Variants in BMP5 observed in about 807,000 individuals in gnomAD.
BMP5 encodes bone morphogenetic protein 5.
A neutral mutation model predicts 46.6 loss-of-function variants in BMP5; 23 were observed. The ratio of observed to expected loss-of-function variants is 0.49; its 90% CI spans 0.35 to 0.70. The LOEUF is 0.70. Ranked by LOEUF, BMP5 falls within the 30% of genes least tolerant of loss-of-function variation. The pLI, the probability that BMP5 is intolerant of heterozygous loss-of-function variation, is 0.00. For synonymous variants in BMP5, 204 were observed against 191.9 expected (o/e 1.06, Z -0.52); for missense variants, 545 against 565.6 (o/e 0.96, Z 0.37).
intron 4 of BMP5, among the ~76,000 whole-genome samples, chr6:55,771,771 T>G (rs927006837): frequency 6.6e-6 from 1 of 151,888 alleles, no homozygotes; most frequent in African/African-American, 2.4e-5. Flanking sequence ...AAACAGGCAA[T>G]ACAACTTTCC....
At chr6:55,772,228 T>C (rs1333706125) in intron 4 of BMP5, among the ~76,000 whole-genome samples, 1 of 151,936 alleles carries the variant, frequency 6.6e-6, no homozygotes, top group Admixed American at 6.6e-5. Flanking sequence ...TTACGTGATT[T>C]CTGCTCCATG....
chr6:55,836,757 C>G (rs1776804632), intron 1 of BMP5, among the ~76,000 whole-genome samples: 1 of 152,056 alleles, frequency 6.6e-6, no homozygotes, highest in African/African-American at 2.4e-5. Context: ...GCTGTCAACT[C>G]TACGTTCACA....
At chr6:55,795,019 A>G (rs1478036428) in intron 2 of BMP5, among the ~76,000 whole-genome samples, 1 of 152,138 alleles carries the variant, frequency 6.6e-6, no homozygotes, top group Non-Finnish European at 1.5e-5. Context: ...TTTTGTTAAT[A>G]TCTTCTGCAA....
chr6:55,799,913 G>A (rs1775802995), intron 2 of BMP5, among the ~76,000 whole-genome samples: 2 of 152,150 alleles, frequency 1.3e-5, no homozygotes, highest in Non-Finnish European at 2.9e-5. Flanking sequence ...CCTCCCCACA[G>A]TGAAACATCA....
chr6:55,841,520 A>G (rs542340886), intron 1 of BMP5, among the ~76,000 whole-genome samples: 2 of 152,308 alleles, frequency 1.3e-5, no homozygotes, highest in East Asian at 3.9e-4. Flanking sequence ...CAGACTGGTT[A>G]GCTTAAACCA....
chr6:55,854,950 G>T (rs2127551443), intron 1 of BMP5, among the ~76,000 whole-genome samples: 1 of 152,036 alleles, frequency 6.6e-6, no homozygotes, highest in Non-Finnish European at 1.5e-5. Flanking sequence ...AAAATACTAT[G>T]CAGTTTTTCA....
At position 55,760,498 on chromosome 6, in the gene BMP5, T is replaced by A. The variant is rs775620179; in HGVS notation, c.1063A>T (p.Lys355Ter). The change falls in exon 5 of 7, where the codon AAG (lysine) becomes TAG (stop). Residue 355 changes from lysine to a stop codon, truncating the protein, a stop_gained. Coordinates refer to ENST00000370830, the MANE Select transcript of BMP5 (RefSeq NM_021073.4). LOFTEE classifies it high-confidence loss of function. ...CGGAAGCTCACATAGAGTTCGTGCT[T>A]CTTACAGGCTTGTTTTTGCTCACTT... ...NTSEQKQACK[K>*]HELYVSFRDL... 3.1e-6 allele frequency: 5 copies of A among 1,613,134 alleles called. No homozygotes were observed. Among genetic ancestry groups the A allele is most frequent in the Non-Finnish European group, 4.2e-6 (5 of 1,179,388 alleles).
chr6:55,795,002 T>G (rs1775672704), intron 2 of BMP5, among the ~76,000 whole-genome samples: 1 of 152,140 alleles, frequency 6.6e-6, no homozygotes, highest in African/African-American at 2.4e-5. Context: ...GCACAATCTA[T>G]GAGAACTTTT....
At chr6:55,781,821 G>A (rs536249110) in intron 3 of BMP5, among the ~76,000 whole-genome samples, 3 of 151,814 alleles carry the variant, frequency 2.0e-5, no homozygotes. Context: ...ATGTTGACCA[G>A]GCTGGTCTCA....
Position 55,837,369 on chromosome 6 carries a change from A to AGATG in BMP5, c.491-17523_491-17522insCATC, listed in dbSNP as rs1554184997. Among the ~76,000 whole-genome samples the AGATG allele has an allele frequency of 9.2e-3, 1,370 of 149,070 alleles. 20 individuals are homozygous for AGATG. The highest frequency in any genetic ancestry group is 0.029 in the African/African-American group (1,137 of 38,874). ...TAGATAGATAGATAGATAGATAGAT[A>AGATG]GATAGATAGACAGACAGATAGAAGA... is the stretch of plus-strand genomic sequence containing the variant. On this transcript the variant is annotated intron_variant, in intron 1 of 6. Transcript: ENST00000370830.
intron 1 of BMP5, among the ~76,000 whole-genome samples, chr6:55,822,389 C>T (rs566906930): frequency 1.8e-4 from 28 of 152,180 alleles, no homozygotes; most frequent in African/African-American, 5.8e-4. Flanking sequence ...ATATTTATTG[C>T]TTTGCTGCAG....
intron 1 of BMP5, 26 bp from the exon 2 acceptor site, chr6:55,819,873 G>A (rs1359843579): frequency 1.3e-6 from 2 of 1,573,698 alleles, no homozygotes; most frequent in Non-Finnish European, 1.7e-6. Context: ...GGGTTGAGGG[G>A]GAAAAAAGTT....
intron 4 of BMP5, 80 bp from the exon 5 acceptor site, chr6:55,760,613 T>C: frequency 1.6e-6 from 2 of 1,238,246 alleles, no homozygotes; most frequent in Non-Finnish European, 2.3e-6. Flanking sequence ...ACTGGTAAGA[T>C]TTTTTAAAGG....
chr6:55,861,805 A>G (rs1308938387), intron 1 of BMP5, among the ~76,000 whole-genome samples: 2 of 152,230 alleles, frequency 1.3e-5, no homozygotes, highest in African/African-American at 4.8e-5. Context: ...TATGTTGGAA[A>G]GTATATAGAA....
At chr6:55,775,084 G>C (rs966546429) in intron 3 of BMP5, among the ~76,000 whole-genome samples, 1 of 151,858 alleles carries the variant, frequency 6.6e-6, no homozygotes, top group Admixed American at 6.6e-5. Flanking sequence ...CTGTGTCTCA[G>C]ACCCTTATGT....
intron 1 of BMP5, among the ~76,000 whole-genome samples, chr6:55,820,697 C>G (rs1947134): frequency 0.071 from 10,763 of 152,050 alleles, 435 homozygotes; most frequent in Middle Eastern, 0.14. Flanking sequence ...GGATTACTTG[C>G]ATGAGCTACT....
intron 2 of BMP5, among the ~76,000 whole-genome samples, chr6:55,813,285 T>C (rs1776176639): frequency 6.6e-6 from 1 of 152,068 alleles, no homozygotes; most frequent in Admixed American, 6.6e-5. Flanking sequence ...CCAATAATGT[T>C]CATCATAAAA....
At chr6:55,872,390 T>G (rs1562081522) in intron 1 of BMP5, among the ~76,000 whole-genome samples, 1 of 151,738 alleles carries the variant, frequency 6.6e-6, no homozygotes, top group Non-Finnish European at 1.5e-5. Context: ...CTAAAGCTTA[T>G]AGCTAATATT....
intron 1 of BMP5, among the ~76,000 whole-genome samples, chr6:55,867,091 A>G (rs1036242952): frequency 1.3e-5 from 2 of 152,164 alleles, no homozygotes; most frequent in Non-Finnish European, 2.9e-5. Flanking sequence ...TATTCTCACC[A>G]AAAGACTAAC....
Sources: gnomAD v4.1 joint callset for allele counts (sites outside exome capture counted in the v4.1 genomes callset) on GRCh38, gnomAD v4.1.1 for gene constraint, MANE v1.5 for transcripts, NCBI Gene and HGNC (gene_info 2026-07-23, HGNC 2026-07-21) for gene names.